Variants in FHIT observed in about 807,000 individuals in gnomAD.
FHIT encodes fragile histidine triad diadenosine triphosphatase, also known as bis(5'-adenosyl)-triphosphatase.
FHIT carries 19 observed loss-of-function variants against 17.9 expected under a neutral mutation model. The observed-to-expected ratio is 1.06, with a 90% CI of 0.74 to 1.56. The LOEUF is 1.56. Among genes scored for constraint, FHIT ranks in the 40% most tolerant of loss-of-function variants. The pLI, the probability that FHIT is intolerant of heterozygous loss-of-function variation, is 0.00. For synonymous variants in FHIT, 81 were observed against 69.7 expected (o/e 1.16, Z -0.81); for missense variants, 248 against 189.2 (o/e 1.31, Z -1.82).
chr3:60,912,306 T>G lies in FHIT; in HGVS notation c.-110-90295A>C, dbSNP rs140431526. 1.1e-4 allele frequency among the ~76,000 whole-genome samples: 17 copies of G among 152,286 alleles called. 1 individual carries two copies. Among genetic ancestry groups the G allele is most frequent in the African/African-American group, 4.1e-4 (17 of 41,546 alleles). ...TGGCACAGCAGTTATCAGCCTGGAC[T>G]GTGGAATCCGATCATACCGGGAAAT... On this transcript the variant is annotated intron_variant, in intron 3 of 9. Transcript: ENST00000492590.
chr3:60,935,976 T>C (rs1430722936), intron 3 of FHIT, among the ~76,000 whole-genome samples: 1 of 152,166 alleles, frequency 6.6e-6, no homozygotes, highest in Non-Finnish European at 1.5e-5. Flanking sequence ...AGTGAGTAAA[T>C]GAATATGGTA....
intron 7 of FHIT, among the ~76,000 whole-genome samples, chr3:59,948,026 C>A (rs1314255982): frequency 6.6e-6 from 1 of 152,080 alleles, no homozygotes; most frequent in African/African-American, 2.4e-5. Context: ...AGATGTACCA[C>A]TGTTTGTTTA....
chr3:60,759,853 T>C (rs1553719240), intron 4 of FHIT, among the ~76,000 whole-genome samples: 1 of 152,198 alleles, frequency 6.6e-6, no homozygotes, highest in Non-Finnish European at 1.5e-5. Flanking sequence ...TGTTCTTTGC[T>C]GTAAATGGGA....
chr3:60,071,201 C>T (rs1418431900), intron 5 of FHIT, among the ~76,000 whole-genome samples: 1 of 152,014 alleles, frequency 6.6e-6, no homozygotes, highest in African/African-American at 2.4e-5. Context: ...CTGAGATGTA[C>T]CAGAAGTGTA....
intron 5 of FHIT, among the ~76,000 whole-genome samples, chr3:60,051,051 G>A (rs935278884): frequency 6.6e-6 from 1 of 152,134 alleles, no homozygotes; most frequent in East Asian, 1.9e-4. Flanking sequence ...CAAAGGAGAA[G>A]TAATTATAAC....
chr3:61,199,076 T>G (rs1204671746), intron 2 of FHIT, among the ~76,000 whole-genome samples: 2 of 152,112 alleles, frequency 1.3e-5, no homozygotes, highest in Non-Finnish European at 2.9e-5. Context: ...ACTTCACAGA[T>G]CAGGAAACTG....
intron 4 of FHIT, among the ~76,000 whole-genome samples, chr3:60,565,494 T>G (rs983124854): frequency 6.6e-6 from 1 of 152,202 alleles, no homozygotes; most frequent in Non-Finnish European, 1.5e-5. Flanking sequence ...TTCTAATAGA[T>G]GCCTGTTATT....
chr3:60,578,711 G>A (rs1353835611), intron 4 of FHIT, among the ~76,000 whole-genome samples: 1 of 152,052 alleles, frequency 6.6e-6, no homozygotes, highest in Non-Finnish European at 1.5e-5. Flanking sequence ...AGGAGAAAAT[G>A]GGTATTGCTG....
chr3:60,640,753 A>G (rs2039705860), intron 4 of FHIT, among the ~76,000 whole-genome samples: 2 of 152,240 alleles, frequency 1.3e-5, no homozygotes, highest in South Asian at 4.1e-4. Flanking sequence ...TATTTATCAT[A>G]TATTAAAGAA....
chr3:60,117,835 C>T (rs1402212459), intron 5 of FHIT, among the ~76,000 whole-genome samples: 1 of 152,072 alleles, frequency 6.6e-6, no homozygotes, highest in Non-Finnish European at 1.5e-5. Flanking sequence ...TCTGTACAAC[C>T]TTCAGGATGT....
intron 5 of FHIT, among the ~76,000 whole-genome samples, chr3:60,145,938 G>A (rs983866779): frequency 6.6e-6 from 1 of 152,118 alleles, no homozygotes; most frequent in African/African-American, 2.4e-5. Flanking sequence ...AAAAGTTCTA[G>A]AAATGTCACA....
chr3:60,033,145 T>C (rs959710522), intron 5 of FHIT, among the ~76,000 whole-genome samples: 8 of 152,140 alleles, frequency 5.3e-5, no homozygotes, highest in Admixed American at 5.2e-4. Flanking sequence ...TAAAAAGACA[T>C]TTTAAAACAG....
chr3:60,600,029 A>G (rs1228371926), intron 4 of FHIT, among the ~76,000 whole-genome samples: 1 of 152,134 alleles, frequency 6.6e-6, no homozygotes, highest in Non-Finnish European at 1.5e-5. Context: ...AAGGGGAGAT[A>G]TAAAATCACT....
chr3:60,339,593 G>T (rs1445107914), intron 5 of FHIT, among the ~76,000 whole-genome samples: 1 of 152,100 alleles, frequency 6.6e-6, no homozygotes, highest in Non-Finnish European at 1.5e-5. Flanking sequence ...TTACCCTCTA[G>T]AATTTTATTT....
At chr3:59,822,187 T>C (rs1700816316) in intron 8 of FHIT, among the ~76,000 whole-genome samples, 1 of 152,252 alleles carries the variant, frequency 6.6e-6, no homozygotes, top group African/African-American at 2.4e-5. Context: ...AATTTCTTTA[T>C]CCACTTGTTG....
In FHIT at chr3:60,417,240, T is replaced by C. The variant is rs985239351; in HGVS notation, c.103+119620A>G. Among the ~76,000 whole-genome samples the C allele has an allele frequency of 6.6e-5, 10 of 152,304 alleles. 1 individual carries two copies. The highest frequency in any genetic ancestry group is 4.6e-4 in the Admixed American group (7 of 15,290). ...AAAAAGAATAATTTATCACATACAA[T>C]TGTAAGAGATACTCAAGAAACTTCA... On this transcript the variant is annotated intron_variant, in intron 5 of 9. Coordinates refer to ENST00000492590, the MANE Select transcript of FHIT (RefSeq NM_002012.4).
intron 4 of FHIT, among the ~76,000 whole-genome samples, chr3:60,653,512 CTGGAG>C (rs200263930): frequency 1.5e-5 from 1 of 66,002 alleles, no homozygotes; most frequent in East Asian, 8.9e-4. Context: ...AAAAAAGAAA[CTGGAG>C]TGGAGGGAAT....
At chr3:60,675,535 T>G (rs2107850826) in intron 4 of FHIT, among the ~76,000 whole-genome samples, 1 of 152,342 alleles carries the variant, frequency 6.6e-6, no homozygotes, top group South Asian at 2.1e-4. Flanking sequence ...GTTTAGAGAT[T>G]ACATGAAAAT....
chr3:60,203,392 C>T (rs1258429644), intron 5 of FHIT, among the ~76,000 whole-genome samples: 1 of 152,126 alleles, frequency 6.6e-6, no homozygotes, highest in African/African-American at 2.4e-5. Flanking sequence ...TAATAAATAT[C>T]CCTCAACAAA....
Sources: allele counts gnomAD v4.1 joint callset (sites outside exome capture counted in the v4.1 genomes callset), GRCh38; gene constraint gnomAD v4.1.1; transcripts MANE v1.5; gene names NCBI Gene and HGNC (gene_info 2026-07-23, HGNC 2026-07-21).